ELMO1: variants seen among roughly 807,000 people sequenced by gnomAD.
ELMO1 encodes the protein engulfment and cell motility 1.
A neutral mutation model predicts 98.9 loss-of-function variants in ELMO1; 26 were observed. The observed-to-expected ratio is 0.26, with a 90% CI of 0.19 to 0.36. The LOEUF (loss-of-function observed/expected upper bound fraction) is 0.36. Ranked by LOEUF, ELMO1 falls within the 10% of genes least tolerant of loss-of-function variation. The probability of loss-of-function intolerance (pLI) is 1.00; values close to 1 mark genes in which losing one functional copy is unlikely to be tolerated. For missense variants in ELMO1, 627 were observed against 935.2 expected, an observed-to-expected ratio of 0.67 and a Z score of 4.30; for synonymous variants, 346 against 346.0, an observed-to-expected ratio of 1.00 and a Z score of 0.00.
chr7:37,195,923 G>C (rs377611128), intron 13 of ELMO1, among the ~76,000 whole-genome samples: 2 of 152,322 alleles, frequency 1.3e-5, no homozygotes, highest in East Asian at 3.9e-4. Context: ...GGGCTGGGGG[G>C]ATGGAGAGAA....
chr7:37,075,734 T>A (rs1797541050), intron 15 of ELMO1, among the ~76,000 whole-genome samples: 1 of 152,076 alleles, frequency 6.6e-6, no homozygotes, highest in African/African-American at 2.4e-5. Context: ...TATGGGGACA[T>A]CACAAAGAGC....
At chr7:37,262,527 T>C (rs546176208) in intron 5 of ELMO1, among the ~76,000 whole-genome samples, 1 of 152,216 alleles carries the variant, frequency 6.6e-6, no homozygotes, top group Admixed American at 6.5e-5. Context: ...TGATGTGTTC[T>C]GTTGGCATGA....
intron 16 of ELMO1, 111 bp downstream of exon 16, chr7:37,013,188 T>G: frequency 7.4e-7 from 1 of 1,348,996 alleles, no homozygotes; most frequent in South Asian, 1.4e-5. Context: ...CATTGCAATC[T>G]TCCTCATTTC....
chr7:37,037,731 A>G (rs529059104), intron 15 of ELMO1, among the ~76,000 whole-genome samples: 4 of 152,374 alleles, frequency 2.6e-5, no homozygotes, highest in African/African-American at 9.6e-5. Flanking sequence ...CTCCCTCACC[A>G]ACCCAAAACA....
intron 1 of ELMO1, among the ~76,000 whole-genome samples, chr7:37,446,148 A>G (rs1435634101): frequency 1.3e-5 from 2 of 152,212 alleles, no homozygotes; most frequent in African/African-American, 4.8e-5. Context: ...TTTTCCTGGT[A>G]TATTTCCCTG....
intron 5 of ELMO1, among the ~76,000 whole-genome samples, chr7:37,265,503 C>T (rs561041876): frequency 1.3e-5 from 2 of 152,182 alleles, no homozygotes; most frequent in African/African-American, 4.8e-5. Context: ...GAGAGTAGCT[C>T]GAAAGTGTTG....
intron 13 of ELMO1, among the ~76,000 whole-genome samples, chr7:37,185,813 A>G (rs1430065577): frequency 1.3e-5 from 2 of 152,332 alleles, no homozygotes; most frequent in East Asian, 1.9e-4. Context: ...ATTAAAGATG[A>G]CCTAAATAAA....
chr7:37,226,762 C>T (rs916948620), intron 8 of ELMO1, among the ~76,000 whole-genome samples: 4 of 152,110 alleles, frequency 2.6e-5, no homozygotes, highest in African/African-American at 4.8e-5. Context: ...AAGCACCCTC[C>T]GCCTCCATCT....
At chr7:36,976,196 G>A (rs1242864206) in intron 16 of ELMO1, among the ~76,000 whole-genome samples, 1 of 152,212 alleles carries the variant, frequency 6.6e-6, no homozygotes, top group Non-Finnish European at 1.5e-5. Flanking sequence ...TTGGCCCACA[G>A]GCCATCATCC....
intron 1 of ELMO1, among the ~76,000 whole-genome samples, chr7:37,351,599 C>T (rs1801270146): frequency 6.6e-6 from 1 of 152,178 alleles, no homozygotes; most frequent in African/African-American, 2.4e-5. Flanking sequence ...AACACTTTTC[C>T]TTCAGTTCTC....
intron 15 of ELMO1, among the ~76,000 whole-genome samples, chr7:37,092,634 C>T (rs1472571072): frequency 6.6e-6 from 1 of 152,102 alleles, no homozygotes; most frequent in Non-Finnish European, 1.5e-5. Context: ...CTTGGCCTCC[C>T]AAACTGCTGG....
chr7:37,187,741 G>A (rs1791303628), intron 13 of ELMO1, among the ~76,000 whole-genome samples: 1 of 152,134 alleles, frequency 6.6e-6, no homozygotes, highest in South Asian at 2.1e-4. Context: ...GCACTGAAAT[G>A]TGATAATTTG....
chr7:37,107,911 G>A (rs1295399316), intron 14 of ELMO1, among the ~76,000 whole-genome samples: 3 of 152,182 alleles, frequency 2.0e-5, no homozygotes, highest in African/African-American at 7.2e-5. Context: ...TCTGGTTTGG[G>A]AGAACGGACT....
rs563630004 is a variant in ELMO1, at chr7:37,165,945, C to T, written c.1087-32711G>A. Among the ~76,000 whole-genome samples, 34 of 152,228 alleles carry T rather than the reference C, an allele frequency of 2.2e-4. 1 individual carries two copies. The highest frequency in any genetic ancestry group is 1.2e-3 in the East Asian group (6 of 5,180). ...TCCTCCTTGTACCTCTGGGAGAATT[C>T]GGCTGTGAATCCATCTGGTCCTGGA... is the stretch of plus-strand genomic sequence containing the variant. On this transcript the variant is annotated intron_variant, in intron 13 of 21. Transcript: ENST00000310758.
chr7:37,440,684 G>T (rs545776538), intron 1 of ELMO1, among the ~76,000 whole-genome samples: 2 of 150,694 alleles, frequency 1.3e-5, no homozygotes, highest in Non-Finnish European at 2.9e-5. Flanking sequence ...CAGGAGAATC[G>T]CTTGAACTCG....
chr7:36,897,567 G>T (rs1338532234), intron 16 of ELMO1, among the ~76,000 whole-genome samples: 1 of 152,136 alleles, frequency 6.6e-6, no homozygotes, highest in African/African-American at 2.4e-5. Flanking sequence ...GGAAAGGGAG[G>T]AGTAGGAGAA....
intron 16 of ELMO1, among the ~76,000 whole-genome samples, chr7:36,998,528 T>TGGC (rs1792389363): frequency 6.6e-6 from 1 of 152,158 alleles, no homozygotes; most frequent in Non-Finnish European, 1.5e-5. Context: ...TATACATATA[T>TGGC]AAATATATAT....
intron 11 of ELMO1, among the ~76,000 whole-genome samples, chr7:37,215,495 A>T (rs1360496382): frequency 6.6e-6 from 1 of 152,188 alleles, no homozygotes; most frequent in Non-Finnish European, 1.5e-5. Context: ...GAATCAGTCC[A>T]GAGCCTTGGC....
chr7:37,056,014 A>C (rs976933853), intron 15 of ELMO1, among the ~76,000 whole-genome samples: 1 of 152,240 alleles, frequency 6.6e-6, no homozygotes, highest in Non-Finnish European at 1.5e-5. Context: ...TTGGTGCTTT[A>C]AGAAGAACAA....
Sources: gnomAD v4.1 joint callset for allele counts (sites outside exome capture counted in the v4.1 genomes callset) on GRCh38, gnomAD v4.1.1 for gene constraint, MANE v1.5 for transcripts, NCBI Gene and HGNC (gene_info 2026-07-23, HGNC 2026-07-21) for gene names.